Variants in SLMAP observed in about 807,000 individuals in gnomAD.
The protein encoded by SLMAP is sarcolemma associated protein, also known as sarcolemmal membrane-associated protein.
In SLMAP, 44 loss-of-function variants were observed where a neutral mutation model predicts 128.8. The ratio of observed to expected loss-of-function variants is 0.34; its 90% CI spans 0.27 to 0.44. The LOEUF is 0.44. Ranked by LOEUF, SLMAP falls within the 20% of genes least tolerant of loss-of-function variation. The pLI is 1.00. For missense variants in SLMAP, 787 were observed against 985.3 expected (o/e 0.80, Z 2.69); for synonymous variants, 327 against 348.8 (o/e 0.94, Z 0.70).
chr3:57,792,866 G>T (rs746164693), intron 2 of SLMAP, among the ~76,000 whole-genome samples: 6 of 152,022 alleles, frequency 3.9e-5, no homozygotes, highest in Non-Finnish European at 7.4e-5. Context: ...GACCGGGTGC[G>T]GTGACTCACA....
chr3:57,866,347 C>T (rs895054752), intron 13 of SLMAP, among the ~76,000 whole-genome samples: 1 of 152,146 alleles, frequency 6.6e-6, no homozygotes, highest in Non-Finnish European at 1.5e-5. Flanking sequence ...AGTTCTTGGG[C>T]AGCAATCAAA....
Position 57,929,457 on chromosome 3 carries a change from G to C in SLMAP, c.*2168G>C, listed in dbSNP as rs968385333. Among the ~76,000 whole-genome samples the C allele has an allele frequency of 7.2e-5, 11 of 152,220 alleles. No homozygotes were observed. In the East Asian group the frequency reaches 2.1e-3, roughly 29 times the overall value. ...TATCAATATTTACTTCATTCAAGTG[G>C]AATAAATGGCTTTTTGTAGTTACTT... On this transcript the variant is annotated 3_prime_UTR_variant, in exon 25 of 25. Transcript: ENST00000671191.
chr3:57,914,710 G>T (rs1011389563), intron 21 of SLMAP, among the ~76,000 whole-genome samples: 3 of 151,844 alleles, frequency 2.0e-5, no homozygotes, highest in Non-Finnish European at 4.4e-5. Flanking sequence ...AGCCTCCTGA[G>T]TAACTTGGAT....
intron 15 of SLMAP, chr3:57,890,354 CT>C: frequency 2.9e-6 from 1 of 349,096 alleles, no homozygotes; most frequent in Admixed American, 4.5e-5. Flanking sequence ...ATATAGGTTT[CT>C]TTAGGTATTA....
At chr3:57,889,705 T>C (rs908864094) in intron 14 of SLMAP, among the ~76,000 whole-genome samples, 7 of 152,216 alleles carry the variant, frequency 4.6e-5, no homozygotes, top group Non-Finnish European at 7.3e-5. Flanking sequence ...ATAAATACCT[T>C]TTCATAAATC....
At chr3:57,868,329 T>C (rs1233288377) in intron 13 of SLMAP, among the ~76,000 whole-genome samples, 1 of 152,030 alleles carries the variant, frequency 6.6e-6, no homozygotes, top group East Asian at 1.9e-4. Context: ...CAAAGTAGCT[T>C]GCTCCTGTAA....
chr3:57,795,827 C>T (rs1438312463), intron 2 of SLMAP, among the ~76,000 whole-genome samples: 1 of 152,066 alleles, frequency 6.6e-6, no homozygotes, highest in Non-Finnish European at 1.5e-5. Context: ...TAATAACTCT[C>T]CCTTCCCCCT....
intron 6 of SLMAP, among the ~76,000 whole-genome samples, chr3:57,853,917 G>A (rs2094600055): frequency 1.7e-5 from 2 of 117,116 alleles, no homozygotes; most frequent in Non-Finnish European, 3.3e-5. Flanking sequence ...CTCCAGCCTG[G>A]ACAATAAGGG....
intron 2 of SLMAP, among the ~76,000 whole-genome samples, chr3:57,802,491 A>G (rs1448187276): frequency 3.9e-5 from 6 of 152,286 alleles, no homozygotes; most frequent in Non-Finnish European, 8.8e-5. Context: ...TATGTTGGCC[A>G]GGCTGGTCTC....
chr3:57,777,138 T>C (rs2082111754), intron 2 of SLMAP, among the ~76,000 whole-genome samples: 1 of 150,052 alleles, frequency 6.7e-6, no homozygotes, highest in African/African-American at 2.4e-5. Flanking sequence ...TTAGGATATA[T>C]ACCTAATGCT....
At chr3:57,900,878 A>T (rs1217051863) in intron 17 of SLMAP, 1 of 152,208 alleles carries the variant, frequency 6.6e-6, no homozygotes. Flanking sequence ...TACATTTTTT[A>T]AAACTTTGTA....
At chr3:57,839,250 CT>C (rs929969302) in intron 3 of SLMAP, among the ~76,000 whole-genome samples, 4 of 151,768 alleles carry the variant, frequency 2.6e-5, no homozygotes, top group Non-Finnish European at 5.9e-5. Flanking sequence ...ATAGATGGTT[CT>C]TGATCTGTGT....
At chr3:57,807,198 C>G (rs1455835463) in intron 2 of SLMAP, among the ~76,000 whole-genome samples, 14 of 152,140 alleles carry the variant, frequency 9.2e-5, no homozygotes, top group Admixed American at 9.2e-4. Flanking sequence ...CCTTTGCCTG[C>G]TTTTTGATGG....
chr3:57,814,109 T>C (rs937678453), intron 2 of SLMAP, among the ~76,000 whole-genome samples: 4 of 151,826 alleles, frequency 2.6e-5, no homozygotes, highest in African/African-American at 7.3e-5. Flanking sequence ...TTTTTTTCTA[T>C]TTTATTTTTT....
At chr3:57,905,402 C>G (rs1296099720) in intron 17 of SLMAP, among the ~76,000 whole-genome samples, 1 of 152,132 alleles carries the variant, frequency 6.6e-6, no homozygotes, top group Non-Finnish European at 1.5e-5. Flanking sequence ...CTGCCTCAGC[C>G]TCCCAAGTAG....
intron 2 of SLMAP, among the ~76,000 whole-genome samples, chr3:57,827,618 T>C (rs1385267031): frequency 1.3e-5 from 2 of 152,032 alleles, no homozygotes; most frequent in Non-Finnish European, 2.9e-5. Context: ...CCACACAGGG[T>C]TTTTAAATTC....
At chr3:57,900,108 A>AGCCTACATATAAGTAGGCAG (rs1250135956) in intron 17 of SLMAP, 9 of 152,236 alleles carry the variant, frequency 5.9e-5, no homozygotes, top group Non-Finnish European at 5.9e-5. Context: ...TATATAAGGC[A>AGCCTACATATAAGTAGGCAG]GCTACATATA....
intron 21 of SLMAP, among the ~76,000 whole-genome samples, chr3:57,915,541 T>C (rs1173369698): frequency 6.6e-6 from 1 of 152,236 alleles, no homozygotes; most frequent in African/African-American, 2.4e-5. Flanking sequence ...CTGTATTGGC[T>C]TGACAACATC....
At chr3:57,802,155 G>C (rs141567670) in intron 2 of SLMAP, among the ~76,000 whole-genome samples, 1 of 151,870 alleles carries the variant, frequency 6.6e-6, no homozygotes, top group African/African-American at 2.4e-5. Context: ...ATACAGTTAC[G>C]CAACGATCAC....
Sources: allele counts gnomAD v4.1 joint callset (sites outside exome capture counted in the v4.1 genomes callset), GRCh38; gene constraint gnomAD v4.1.1; transcripts MANE v1.5; gene names NCBI Gene and HGNC (gene_info 2026-07-23, HGNC 2026-07-21).